The following CNTN4 variants were observed in gnomAD, a reference collection of about 807,000 sequenced individuals.
CNTN4 encodes the protein contactin 4.
In CNTN4, 77 loss-of-function variants were observed where a neutral mutation model predicts 122.5. That is an observed-to-expected ratio of 0.63 (90% CI 0.52 to 0.76). The LOEUF (loss-of-function observed/expected upper bound fraction) is 0.76. CNTN4 is among the 30% of genes least tolerant of loss of function. The pLI is 0.00. For missense variants in CNTN4, 1,256 were observed against 1,259.1 expected, an observed-to-expected ratio of 1.00 and a Z score of 0.04; for synonymous variants, 512 against 447.0, an observed-to-expected ratio of 1.15 and a Z score of -1.83.
intron 7 of CNTN4, among the ~76,000 whole-genome samples, chr3:2,864,593 G>A (rs909131409): frequency 5.3e-5 from 8 of 151,844 alleles, no homozygotes; most frequent in Admixed American, 2.0e-4. Context: ...ACAAAAATTA[G>A]CCAAGCGTCG....
At chr3:2,708,724 G>A (rs1543149) in intron 4 of CNTN4, among the ~76,000 whole-genome samples, 8,623 of 138,494 alleles carry the variant, frequency 0.062, 327 homozygotes, top group South Asian at 0.13. Flanking sequence ...GCGCACGCGC[G>A]CATCACACAC....
intron 2 of CNTN4, among the ~76,000 whole-genome samples, chr3:2,185,045 G>C (rs1304111124): frequency 1.3e-5 from 2 of 152,114 alleles, no homozygotes; most frequent in African/African-American, 2.4e-5. Context: ...TCCTCATTGT[G>C]CAACTGTTGT....
chr3:2,843,442 G>A (rs1165098973), intron 7 of CNTN4, among the ~76,000 whole-genome samples: 1 of 151,988 alleles, frequency 6.6e-6, no homozygotes, highest in Non-Finnish European at 1.5e-5. Flanking sequence ...TGTTTCTCCA[G>A]CCTTTTGTTA....
At chr3:2,715,471 C>G (rs2087436126) in intron 4 of CNTN4, among the ~76,000 whole-genome samples, 1 of 152,082 alleles carries the variant, frequency 6.6e-6, no homozygotes, top group African/African-American at 2.4e-5. Flanking sequence ...TGTCTTAACC[C>G]TTTATGTAAA....
intron 6 of CNTN4, among the ~76,000 whole-genome samples, chr3:2,765,345 T>A (rs1340616571): frequency 6.6e-6 from 1 of 152,228 alleles, no homozygotes; most frequent in African/African-American, 2.4e-5. Context: ...CCGACAGTGC[T>A]AGAGAATGGA....
At chr3:2,217,661 A>G (rs1045689552) in intron 2 of CNTN4, among the ~76,000 whole-genome samples, 4 of 145,078 alleles carry the variant, frequency 2.8e-5, no homozygotes, top group African/African-American at 5.2e-5. Flanking sequence ...GCAAAACCAA[A>G]GGCCTGAGAA....
intron 2 of CNTN4, among the ~76,000 whole-genome samples, chr3:2,128,767 A>G (rs1455734460): frequency 6.6e-6 from 1 of 152,220 alleles, no homozygotes; most frequent in Middle Eastern, 3.2e-3. Context: ...TCTGCTTTGC[A>G]TTTGCACAGG....
rs1300193095 is a variant in CNTN4, at chr3:2,239,706, ATAAAT to A, written c.-144-99468_-144-99464del. Among the ~76,000 whole-genome samples the A allele has an allele frequency of 2.6e-5, 4 of 152,186 alleles. No homozygotes were observed. The East Asian group carries it at 7.7e-4, about 29-fold the overall frequency. On this transcript the variant is annotated intron_variant, in intron 2 of 24. Transcript: ENST00000418658. ...AATAGCAGTCTTCTTCTTATAATTA[ATAAAT>A]TAAGAAGTTACAGGGACCAAGGGAG... is the stretch of plus-strand genomic sequence containing the variant.
At chr3:2,706,604 C>T (rs1022442288) in intron 4 of CNTN4, among the ~76,000 whole-genome samples, 11 of 152,066 alleles carry the variant, frequency 7.2e-5, no homozygotes, top group Admixed American at 2.0e-4. Context: ...ATGAAAAATG[C>T]AACAGTTTGT....
chr3:2,762,960 T>A (rs1230421768), intron 6 of CNTN4, among the ~76,000 whole-genome samples: 7 of 90,878 alleles, frequency 7.7e-5, no homozygotes, highest in East Asian at 2.5e-4. Context: ...TTTTTTTTTT[T>A]AGACTGAGTC....
At chr3:2,469,855 G>A (rs1018312844) in intron 3 of CNTN4, among the ~76,000 whole-genome samples, 5 of 152,138 alleles carry the variant, frequency 3.3e-5, no homozygotes, top group Non-Finnish European at 7.4e-5. Flanking sequence ...ACTTTTCACT[G>A]TCTAATTTAA....
At chr3:2,884,669 G>A (rs1200228259) in intron 9 of CNTN4, among the ~76,000 whole-genome samples, 1 of 152,158 alleles carries the variant, frequency 6.6e-6, no homozygotes, top group Non-Finnish European at 1.5e-5. Flanking sequence ...AATTAAAGAT[G>A]AGAGCAGGTA....
chr3:2,931,298 A>T (rs2094518133), intron 13 of CNTN4, among the ~76,000 whole-genome samples: 1 of 152,174 alleles, frequency 6.6e-6, no homozygotes, highest in Non-Finnish European at 1.5e-5. Flanking sequence ...TGAAAAAAGG[A>T]GGAGGAAAAA....
intron 2 of CNTN4, among the ~76,000 whole-genome samples, chr3:2,309,494 C>A (rs1368776116): frequency 6.6e-6 from 1 of 152,068 alleles, no homozygotes; most frequent in East Asian, 1.9e-4. Flanking sequence ...GTGTTTCCTA[C>A]TTGTTTTTTA....
At chr3:2,287,763 G>T (rs2948693) in intron 2 of CNTN4, among the ~76,000 whole-genome samples, 9,317 of 145,178 alleles carry the variant, frequency 0.064, 354 homozygotes, top group African/African-American at 0.089. Context: ...AGAAGAAGAA[G>T]AAGAAGAAGA....
chr3:2,416,702 G>A (rs1016632852), intron 3 of CNTN4, among the ~76,000 whole-genome samples: 1 of 151,802 alleles, frequency 6.6e-6, no homozygotes, highest in Non-Finnish European at 1.5e-5. Context: ...CGCCCAGGCT[G>A]GAGTGCAGTG....
At chr3:2,230,339 A>G (rs2039437949) in intron 2 of CNTN4, among the ~76,000 whole-genome samples, 1 of 152,222 alleles carries the variant, frequency 6.6e-6, no homozygotes, top group Non-Finnish European at 1.5e-5. Flanking sequence ...TTTTCCCAGC[A>G]ATACGGTTGT....
intron 3 of CNTN4, among the ~76,000 whole-genome samples, chr3:2,356,416 A>G (rs942321062): frequency 2.6e-5 from 4 of 152,108 alleles, no homozygotes; most frequent in Admixed American, 2.6e-4. Context: ...TTTAGACCGT[A>G]TAGGGTAACT....
chr3:2,748,827 G>A lies in CNTN4; in HGVS notation c.358+3130G>A, dbSNP rs115049591. ...TAAAAAATGTAAATTAGATCATTCC[G>A]CTTCCCTGCTTTATGCCTTCTACTG... On this transcript the variant is annotated intron_variant, in intron 6 of 24. Coordinates refer to ENST00000418658, the MANE Select transcript of CNTN4 (RefSeq NM_175607.3). Among the ~76,000 whole-genome samples, 727 of 152,152 alleles carry A rather than the reference G, an allele frequency of 4.8e-3. 7 individuals are homozygous for A. The highest frequency in any genetic ancestry group is 0.016 in the African/African-American group (671 of 41,500).
Sources: allele counts gnomAD v4.1 joint callset (sites outside exome capture counted in the v4.1 genomes callset), GRCh38; gene constraint gnomAD v4.1.1; transcripts MANE v1.5; gene names NCBI Gene and HGNC (gene_info 2026-07-23, HGNC 2026-07-21).